PCDHA7: variants seen among roughly 807,000 people sequenced by gnomAD.
PCDHA7 encodes protocadherin alpha-7.
Under a neutral mutation model 57.2 loss-of-function variants are expected in PCDHA7, and 37 were observed. The observed-to-expected ratio is 0.65, with a 90% CI of 0.50 to 0.85. The LOEUF is 0.85. Ranked by LOEUF, PCDHA7 falls within the 40% of genes least tolerant of loss-of-function variation. The pLI is 0.00. For missense variants in PCDHA7, 1,188 were observed against 1,241.8 expected (o/e 0.96, Z 0.65); for synonymous variants, 553 against 558.8 (o/e 0.99, Z 0.15).
intron 1 of PCDHA7, chr5:140,928,776 T>C (rs2085518837): frequency 6.2e-7 from 1 of 1,614,044 alleles, no homozygotes; most frequent in East Asian, 2.2e-5. Flanking sequence ...TTCCCACTGA[T>C]GCAGTTAAGC....
intron 1 of PCDHA7, chr5:140,927,256 CCT>C (rs2084020732): frequency 1.2e-6 from 2 of 1,614,144 alleles, no homozygotes; most frequent in Non-Finnish European, 1.7e-6. Flanking sequence ...TGACAACTCA[CCT>C]CTCTTTCCTG....
intron 1 of PCDHA7, among the ~76,000 whole-genome samples, chr5:140,974,660 C>T (rs529524485): frequency 2.6e-5 from 4 of 152,116 alleles, no homozygotes; most frequent in South Asian, 2.1e-4. Flanking sequence ...TACAGGCATG[C>T]GCCACCATGC....
chr5:140,870,590 G>T, intron 1 of PCDHA7: 2 of 1,613,564 alleles, frequency 1.2e-6, no homozygotes, highest in Non-Finnish European at 1.7e-6. Flanking sequence ...CTGGTGGAGC[G>T]GCGGTTGGGC....
intron 1 of PCDHA7, among the ~76,000 whole-genome samples, chr5:140,956,151 C>A (rs1193859248): frequency 6.6e-6 from 1 of 152,156 alleles, no homozygotes; most frequent in African/African-American, 2.4e-5. Flanking sequence ...CTTTCTCTTT[C>A]CTAATTGCCA....
chr5:140,877,095 C>G, intron 1 of PCDHA7: 1 of 1,613,330 alleles, frequency 6.2e-7, no homozygotes, highest in Admixed American at 1.7e-5. Flanking sequence ...GCGACGCCGG[C>G]GTGCCGCCTC....
intron 1 of PCDHA7, chr5:140,968,908 A>G: frequency 6.2e-7 from 1 of 1,614,182 alleles, no homozygotes; most frequent in Non-Finnish European, 8.5e-7. Context: ...CATTAAGCAC[A>G]GTGTCTTTTA....
At chr5:140,931,035 C>A (rs2153606811) in intron 1 of PCDHA7, among the ~76,000 whole-genome samples, 1 of 152,250 alleles carries the variant, frequency 6.6e-6, no homozygotes, top group Non-Finnish European at 1.5e-5. Context: ...GTAGAGCTAG[C>A]AAGAAAAACT....
chr5:140,934,941 T>C (rs1397192075), intron 1 of PCDHA7, among the ~76,000 whole-genome samples: 4 of 152,172 alleles, frequency 2.6e-5, no homozygotes, highest in African/African-American at 9.6e-5. Context: ...AAAACTAGTA[T>C]AGAGAGATCC....
chr5:140,941,193 TTC>T (rs1491512649), intron 1 of PCDHA7, among the ~76,000 whole-genome samples: 2 of 116,638 alleles, frequency 1.7e-5, no homozygotes, highest in Admixed American at 1.7e-4. Flanking sequence ...TTCTTTTTTT[TTC>T]TTTCTTCCTT....
chr5:140,981,969 T>C (rs1438723039), intron 2 of PCDHA7, among the ~76,000 whole-genome samples: 1 of 152,146 alleles, frequency 6.6e-6, no homozygotes, highest in African/African-American at 2.4e-5. Context: ...ATAAAAGATA[T>C]AGAAAGAGTA....
chr5:140,970,059 G>C (rs2096380498), intron 1 of PCDHA7, among the ~76,000 whole-genome samples: 1 of 152,150 alleles, frequency 6.6e-6, no homozygotes. Context: ...GTCCAGGGAG[G>C]TATTAGAATG....
chr5:140,856,872 A>G (rs1554149238), intron 1 of PCDHA7: 1 of 1,596,142 alleles, frequency 6.3e-7, no homozygotes, highest in South Asian at 1.1e-5. Flanking sequence ...ATAAACAAGG[A>G]AATGATGTAT....
intron 1 of PCDHA7, among the ~76,000 whole-genome samples, chr5:140,947,307 T>C (rs1329729103): frequency 6.6e-6 from 1 of 151,660 alleles, no homozygotes; most frequent in African/African-American, 2.4e-5. Context: ...GACATCTTTG[T>C]AAAAAGTCGG....
chr5:140,900,030 G>A (rs1159979332), intron 1 of PCDHA7, among the ~76,000 whole-genome samples: 1 of 152,086 alleles, frequency 6.6e-6, no homozygotes, highest in Admixed American at 6.6e-5. Context: ...GTTTGGCCTT[G>A]AATTCCTGGG....
chr5:140,914,758 C>T (rs1435498037), intron 1 of PCDHA7, among the ~76,000 whole-genome samples: 3 of 151,912 alleles, frequency 2.0e-5, no homozygotes, highest in Non-Finnish European at 4.4e-5. Context: ...TTTGAGGTTA[C>T]ATGAGGTTTA....
chr5:140,903,279 A>C (rs940299316), intron 1 of PCDHA7, among the ~76,000 whole-genome samples: 1 of 152,170 alleles, frequency 6.6e-6, no homozygotes, highest in East Asian at 1.9e-4. Flanking sequence ...GTAGTGTCTC[A>C]TTGTGCATTA....
intron 1 of PCDHA7, chr5:140,859,978 C>T (rs1554152894): frequency 6.6e-6 from 1 of 151,802 alleles, no homozygotes. Context: ...TATACAAGTG[C>T]ATTAATCTCT....
At chr5:140,906,030 T>G (rs1554192342) in intron 1 of PCDHA7, among the ~76,000 whole-genome samples, 1 of 152,196 alleles carries the variant, frequency 6.6e-6, no homozygotes, top group Non-Finnish European at 1.5e-5. Flanking sequence ...CACGTTCTTC[T>G]GTCTGCTTTT....
chr5:141,011,190 T>C lies in PCDHA7; in HGVS notation c.*1253T>C, dbSNP rs1321258440. On this transcript the variant is annotated 3_prime_UTR_variant, in exon 4 of 4. Coordinates refer to ENST00000525929, the MANE Select transcript of PCDHA7 (RefSeq NM_018910.3). Reference sequence around the variant, plus strand: ...AAGACCCAAAAATTGAAGAAAAATATTGTTTTCTCATACAGTGAGCAGATT... The same window carrying C: ...AAGACCCAAAAATTGAAGAAAAATACTGTTTTCTCATACAGTGAGCAGATT... The C allele has an allele frequency of 1.3e-5, 2 of 153,748 alleles. No individual in the cohort carries two copies. The highest frequency in any genetic ancestry group is 1.9e-4 in the East Asian group (1 of 5,200). The allele number at this position is 153,748 out of a possible 1,614,324, so 9.5% of individuals were successfully genotyped here. A position where few individuals can be genotyped will look rare whatever the true frequency, so the allele number is the denominator to read the frequency against.
Sources: gnomAD v4.1 joint callset for allele counts (sites outside exome capture counted in the v4.1 genomes callset) on GRCh38, gnomAD v4.1.1 for gene constraint, MANE v1.5 for transcripts, NCBI Gene and HGNC (gene_info 2026-07-23, HGNC 2026-07-21) for gene names.